The following PTPRR variants were observed in gnomAD, a reference collection of about 807,000 sequenced individuals.
The protein encoded by PTPRR is receptor-type tyrosine-protein phosphatase R.
A neutral mutation model predicts 77.2 loss-of-function variants in PTPRR; 38 were observed. The ratio of observed to expected loss-of-function variants is 0.49; its 90% confidence interval spans 0.38 to 0.65. PTPRR has a LOEUF of 0.65. Ranked by LOEUF, PTPRR falls within the 30% of genes least tolerant of loss-of-function variation. PTPRR has a pLI of 0.00. For missense variants in PTPRR, 744 were observed against 799.2 expected (o/e 0.93, Z 0.83); for synonymous variants, 299 against 283.1 (o/e 1.06, Z -0.57).
At chr12:70,878,529 T>C (rs544592029) in intron 2 of PTPRR, among the ~76,000 whole-genome samples, 28 of 152,192 alleles carry the variant, frequency 1.8e-4, no homozygotes, top group African/African-American at 5.1e-4. Context: ...ATCAGAGAAA[T>C]GCAAATCAAA....
chr12:70,796,308 A>G (rs1408754476), intron 2 of PTPRR, among the ~76,000 whole-genome samples: 1 of 152,108 alleles, frequency 6.6e-6, no homozygotes, highest in African/African-American at 2.4e-5. Flanking sequence ...AGTGAGTAAA[A>G]TGAGTTTATG....
At chr12:70,641,110 A>G (rs572361926) in intron 13 of PTPRR, among the ~76,000 whole-genome samples, 7 of 152,326 alleles carry the variant, frequency 4.6e-5, no homozygotes, top group African/African-American at 1.7e-4. Flanking sequence ...ATCTAAAATC[A>G]TAGCAGGTGT....
At chr12:70,830,009 G>C (rs1892183570) in intron 2 of PTPRR, among the ~76,000 whole-genome samples, 1 of 152,132 alleles carries the variant, frequency 6.6e-6, no homozygotes, top group East Asian at 1.9e-4. Flanking sequence ...AATAATGGGA[G>C]AGTTGGGTCT....
At position 70,725,355 on chromosome 12, in the gene PTPRR, T is replaced by C. The variant is rs1889395592; in HGVS notation, c.1007+20463A>G. On this transcript the variant is annotated intron_variant, in intron 6 of 13. Transcript: ENST00000283228. Reference sequence around the variant, plus strand: ...GAATGCCCTTGGGTTGGCCCATAGCTCAATTGTGAACAATTACCCTGACAT... The same window carrying C: ...GAATGCCCTTGGGTTGGCCCATAGCCCAATTGTGAACAATTACCCTGACAT... Among the ~76,000 whole-genome samples the C allele has an allele frequency of 2.0e-5, 3 of 152,260 alleles. No individual in the cohort carries two copies. In the South Asian group the frequency reaches 6.2e-4, roughly 32 times the overall value.
chr12:70,750,420 G>A (rs896403993), intron 5 of PTPRR, among the ~76,000 whole-genome samples: 3 of 152,072 alleles, frequency 2.0e-5, no homozygotes, highest in Non-Finnish European at 2.9e-5. Context: ...ACAAAACTAT[G>A]GGAAACAGAG....
At chr12:70,782,626 G>C (rs1016526811) in intron 2 of PTPRR, among the ~76,000 whole-genome samples, 1 of 151,966 alleles carries the variant, frequency 6.6e-6, no homozygotes, top group Non-Finnish European at 1.5e-5. Flanking sequence ...ACTCATAGTG[G>C]GAATTGAACA....
intron 6 of PTPRR, among the ~76,000 whole-genome samples, chr12:70,717,769 T>C (rs952163888): frequency 2.0e-5 from 3 of 152,170 alleles, no homozygotes; most frequent in Admixed American, 1.3e-4. Context: ...CCTGTGTGCA[T>C]GGCAGGGATT....
Position 70,745,936 on chromosome 12 carries a change from T to C in PTPRR, c.889A>G (p.Lys297Glu), listed in dbSNP as rs761190045. The change falls in exon 6 of 14, where the codon AAG (lysine) becomes GAG (glutamate). Residue 297 changes from lysine (K) to glutamate (E), a missense_variant. Transcript: ENST00000283228. ...HSMVQPEQAP[K>E]VLNVVVDPQG... ...GGGTCCACGACAACATTCAGTACCTTTGGGGCCTGCTCAGGTTGGACCATG... is the reference window on the plus strand; with the variant it reads ...GGGTCCACGACAACATTCAGTACCTCTGGGGCCTGCTCAGGTTGGACCATG... 4 of 1,613,918 alleles carry C rather than the reference T, an allele frequency of 2.5e-6. No individual in the cohort carries two copies. The African/African-American group carries it at 5.3e-5, about 22-fold the overall frequency.
At chr12:70,674,241 A>T (rs930507265) in intron 10 of PTPRR, among the ~76,000 whole-genome samples, 1 of 152,052 alleles carries the variant, frequency 6.6e-6, no homozygotes, top group African/African-American at 2.4e-5. Context: ...GGCCTCATCA[A>T]TCCTTTTATC....
chr12:70,754,411 C>G, intron 4 of PTPRR, 110 bp from the exon 5 acceptor site: 1 of 1,567,172 alleles, frequency 6.4e-7, no homozygotes. Flanking sequence ...TGTAGTGCAA[C>G]ACACCTACAC....
intron 12 of PTPRR, among the ~76,000 whole-genome samples, chr12:70,659,472 C>A (rs945375408): frequency 5.9e-5 from 9 of 151,966 alleles, no homozygotes; most frequent in Non-Finnish European, 1.2e-4. Context: ...AGATAACTGT[C>A]AACATGGGAT....
chr12:70,716,708 G>A (rs1166618370), intron 6 of PTPRR, among the ~76,000 whole-genome samples: 8 of 152,120 alleles, frequency 5.3e-5, no homozygotes, highest in Non-Finnish European at 7.4e-5. Flanking sequence ...TTTGCTGGGC[G>A]TGGTGGCTCA....
intron 2 of PTPRR, among the ~76,000 whole-genome samples, chr12:70,838,661 A>C (rs1892344279): frequency 6.6e-6 from 1 of 152,220 alleles, no homozygotes; most frequent in South Asian, 2.1e-4. Context: ...CATAGTGAAG[A>C]AAAAGATTAT....
intron 2 of PTPRR, among the ~76,000 whole-genome samples, chr12:70,871,737 G>T (rs985359613): frequency 6.6e-6 from 1 of 152,160 alleles, no homozygotes; most frequent in African/African-American, 2.4e-5. Context: ...TCAGTTAAGA[G>T]TAAAATTAAA....
At chr12:70,656,674 G>T in intron 13 of PTPRR, 30 bp downstream of exon 13, 2 of 1,469,300 alleles carry the variant, frequency 1.4e-6, no homozygotes, top group Non-Finnish European at 1.9e-6. Context: ...TGAAAACAGT[G>T]CTCTGAAGGC....
At chr12:70,737,638 G>T (rs372401370) in intron 6 of PTPRR, among the ~76,000 whole-genome samples, 9 of 152,144 alleles carry the variant, frequency 5.9e-5, no homozygotes, top group African/African-American at 2.2e-4. Context: ...TCCTGCCTCA[G>T]CCTCCTAAGT....
At chr12:70,889,219 A>G (rs1893292644) in intron 2 of PTPRR, among the ~76,000 whole-genome samples, 1 of 152,196 alleles carries the variant, frequency 6.6e-6, no homozygotes, top group Non-Finnish European at 1.5e-5. Context: ...CAAATATAAA[A>G]TTATAATTAA....
intron 4 of PTPRR, among the ~76,000 whole-genome samples, chr12:70,759,279 C>T (rs1890633373): frequency 6.6e-6 from 1 of 152,020 alleles, no homozygotes; most frequent in Non-Finnish European, 1.5e-5. Context: ...CATTGCATGC[C>T]AGGCACTAAA....
At chr12:70,861,122 G>T (rs1250506304) in intron 2 of PTPRR, among the ~76,000 whole-genome samples, 1 of 152,096 alleles carries the variant, frequency 6.6e-6, no homozygotes, top group Non-Finnish European at 1.5e-5. Context: ...AAGAACTCCT[G>T]CAAACTAGAA....
Sources: gnomAD v4.1 joint callset for allele counts (sites outside exome capture counted in the v4.1 genomes callset) on GRCh38, gnomAD v4.1.1 for gene constraint, MANE v1.5 for transcripts, NCBI Gene and HGNC (gene_info 2026-07-23, HGNC 2026-07-21) for gene names.